PEBP4: variants seen among roughly 807,000 people sequenced by gnomAD.
PEBP4 encodes the protein phosphatidylethanolamine-binding protein 4.
PEBP4 carries 22 observed loss-of-function variants against 23.9 expected under a neutral mutation model. The ratio of observed to expected loss-of-function variants is 0.92; its 90% CI spans 0.66 to 1.31. The LOEUF is 1.31. Among genes scored for constraint, PEBP4 ranks in the 40% most tolerant of loss-of-function variants. PEBP4 has a pLI of 0.00. For synonymous variants in PEBP4, 112 were observed against 99.3 expected (o/e 1.13, Z -0.76); for missense variants, 324 against 281.7 (o/e 1.15, Z -1.07).
At chr8:22,849,936 G>A (rs190984682) in intron 3 of PEBP4, among the ~76,000 whole-genome samples, 10 of 152,192 alleles carry the variant, frequency 6.6e-5, no homozygotes, top group African/African-American at 2.2e-4. Context: ...TGGCACATGT[G>A]GGCATTTGGT....
intron 3 of PEBP4, among the ~76,000 whole-genome samples, chr8:22,905,548 G>A (rs1289801250): frequency 6.6e-6 from 1 of 152,194 alleles, no homozygotes; most frequent in African/African-American, 2.4e-5. Flanking sequence ...TTACTTGAAT[G>A]TTGTTGTTCT....
intron 4 of PEBP4, among the ~76,000 whole-genome samples, chr8:22,761,560 C>A (rs1805507867): frequency 6.6e-6 from 1 of 152,210 alleles, no homozygotes; most frequent in Non-Finnish European, 1.5e-5. Flanking sequence ...CTTGAAAGGT[C>A]TTTTCAGAGG....
intron 4 of PEBP4, among the ~76,000 whole-genome samples, chr8:22,815,307 C>T (rs1344865469): frequency 6.6e-6 from 1 of 152,190 alleles, no homozygotes; most frequent in Admixed American, 6.5e-5. Context: ...ATGCCGTGTT[C>T]TCCCCAGACC....
chr8:22,920,960 T>C (rs1446467579), intron 2 of PEBP4, among the ~76,000 whole-genome samples: 2 of 152,178 alleles, frequency 1.3e-5, no homozygotes, highest in African/African-American at 4.8e-5. Flanking sequence ...AACCAGTTCA[T>C]GTATTTGCTC....
chr8:22,791,145 C>T (rs1381026243), intron 4 of PEBP4, among the ~76,000 whole-genome samples: 1 of 152,162 alleles, frequency 6.6e-6, no homozygotes, highest in Admixed American at 6.5e-5. Flanking sequence ...CCACCCCAGA[C>T]ACACACAGAA....
chr8:22,902,990 G>A (rs974624176), intron 3 of PEBP4, among the ~76,000 whole-genome samples: 1 of 152,136 alleles, frequency 6.6e-6, no homozygotes, highest in African/African-American at 2.4e-5. Flanking sequence ...TCATTACACC[G>A]TAGGGACCTC....
chr8:22,795,890 AT>A (rs1208714990), intron 4 of PEBP4, among the ~76,000 whole-genome samples: 1 of 152,198 alleles, frequency 6.6e-6, no homozygotes, highest in African/African-American at 2.4e-5. Flanking sequence ...CATGGATAAG[AT>A]TTTTTTGTGT....
At chr8:22,893,002 C>T (rs1027166094) in intron 3 of PEBP4, among the ~76,000 whole-genome samples, 10 of 152,150 alleles carry the variant, frequency 6.6e-5, no homozygotes, top group African/African-American at 2.2e-4. Context: ...GGGGAGAGAA[C>T]TGTGGAAATT....
intron 4 of PEBP4, among the ~76,000 whole-genome samples, chr8:22,747,143 T>C (rs1405363929): frequency 6.6e-6 from 1 of 152,280 alleles, no homozygotes; most frequent in Non-Finnish European, 1.5e-5. Context: ...TTATTAATTT[T>C]GTACTTATTA....
chr8:22,747,756 G>GC (rs1805158029), intron 4 of PEBP4, among the ~76,000 whole-genome samples: 1 of 152,234 alleles, frequency 6.6e-6, no homozygotes, highest in African/African-American at 2.4e-5. Context: ...GCCGGCGTTT[G>GC]CCCGCTGCCT....
chr8:22,745,252 C>T (rs998727060), intron 4 of PEBP4, among the ~76,000 whole-genome samples: 7 of 152,178 alleles, frequency 4.6e-5, no homozygotes, highest in Admixed American at 1.3e-4. Context: ...AGTGCCCTCT[C>T]GACTTAGGGG....
At chr8:22,766,955 A>G (rs1402840582) in intron 4 of PEBP4, among the ~76,000 whole-genome samples, 2 of 152,226 alleles carry the variant, frequency 1.3e-5, no homozygotes, top group African/African-American at 4.8e-5. Context: ...CAGTTTCCTC[A>G]TGGACAAAGT....
At chr8:22,831,996 C>A (rs547376617) in intron 3 of PEBP4, among the ~76,000 whole-genome samples, 2 of 152,018 alleles carry the variant, frequency 1.3e-5, no homozygotes, top group Admixed American at 1.3e-4. Flanking sequence ...CTGACATGAT[C>A]AGGGCTGGAT....
At chr8:22,796,257 C>CGTGTGTGT (rs34887072) in intron 4 of PEBP4, among the ~76,000 whole-genome samples, 13 of 149,766 alleles carry the variant, frequency 8.7e-5, no homozygotes, top group Admixed American at 5.3e-4. Flanking sequence ...CTCAAGTGTG[C>CGTGTGTGT]GTGTGTGTGT....
intron 4 of PEBP4, among the ~76,000 whole-genome samples, chr8:22,800,671 G>T (rs1806363457): frequency 6.6e-6 from 1 of 152,162 alleles, no homozygotes; most frequent in Non-Finnish European, 1.5e-5. Flanking sequence ...ATTCCTCAGA[G>T]CCTCCGGGAT....
At chr8:22,746,275 G>A in intron 4 of PEBP4, among the ~76,000 whole-genome samples, 1 of 152,148 alleles carries the variant, frequency 6.6e-6, no homozygotes, top group Non-Finnish European at 1.5e-5. Flanking sequence ...AGGCCCCTCT[G>A]GGGTTAGAGA....
chr8:22,776,276 T>A (rs1397772860), intron 4 of PEBP4, among the ~76,000 whole-genome samples: 1 of 152,196 alleles, frequency 6.6e-6, no homozygotes, highest in Non-Finnish European at 1.5e-5. Context: ...CCTTTCCCCT[T>A]TCTTCATTTC....
chr8:22,911,616 G>T (rs1486883806), intron 3 of PEBP4, among the ~76,000 whole-genome samples: 1 of 152,138 alleles, frequency 6.6e-6, no homozygotes, highest in Non-Finnish European at 1.5e-5. Context: ...CAGGCAACAA[G>T]TCCCTGTAGC....
intron 6 of PEBP4, among the ~76,000 whole-genome samples, chr8:22,721,970 C>G (rs545088200): frequency 2.6e-5 from 4 of 152,188 alleles, no homozygotes; most frequent in Non-Finnish European, 1.5e-5. Flanking sequence ...ACCTCACTGC[C>G]TCATGTCTCG....
Sources: allele counts gnomAD v4.1 joint callset (sites outside exome capture counted in the v4.1 genomes callset), GRCh38; gene constraint gnomAD v4.1.1; transcripts MANE v1.5; gene names NCBI Gene and HGNC (gene_info 2026-07-23, HGNC 2026-07-21).